TBL1X: variants seen among roughly 807,000 people sequenced by gnomAD.
TBL1X encodes transducin beta like 1 X-linked.
In TBL1X, 10 loss-of-function variants were observed where a neutral mutation model predicts 50.7. The observed-to-expected ratio is 0.20, with a 90% CI of 0.12 to 0.33. The LOEUF (loss-of-function observed/expected upper bound fraction) is 0.33, where lower values mean the gene tolerates loss of function less well. TBL1X is among the 10% of genes least tolerant of loss of function. The pLI, the probability that TBL1X is intolerant of heterozygous loss-of-function variation, is 1.00. For missense variants in TBL1X, 340 were observed against 504.4 expected, an observed-to-expected ratio of 0.67 and a Z score of 3.12; for synonymous variants, 190 against 214.7, an observed-to-expected ratio of 0.88 and a Z score of 1.01.
intron 1 of TBL1X, among the ~76,000 whole-genome samples, chrX:9,474,717 A>G (rs746411148): frequency 8.8e-6 from 1 of 113,061 alleles, no homozygotes; most frequent in East Asian, 2.8e-4. Flanking sequence ...CTGTTTATAA[A>G]TCAGCTGATT....
intron 2 of TBL1X, chrX:9,560,681 C>T (rs1428841187): frequency 8.9e-6 from 1 of 111,801 alleles, no homozygotes; most frequent in Non-Finnish European, 1.9e-5. Context: ...TAGCGTGGAC[C>T]AAAGATGGGG....
At chrX:9,486,996 C>T (rs1182302871) in intron 1 of TBL1X, among the ~76,000 whole-genome samples, 1 of 111,945 alleles carries the variant, frequency 8.9e-6, no homozygotes, top group Non-Finnish European at 1.9e-5. Flanking sequence ...CTTTCAGATT[C>T]TTCACTCAGG....
Position 9,583,638 on chromosome X carries a change from T to C in TBL1X, c.-130-56635T>C, listed in dbSNP as rs138183374. Among the ~76,000 whole-genome samples, 123 of 112,632 alleles carry C rather than the reference T, an allele frequency of 1.1e-3. 1 individual carries two copies. The highest frequency in any genetic ancestry group is 3.8e-3 in the African/African-American group (119 of 31,075). On this transcript the variant is annotated intron_variant, in intron 2 of 17. Coordinates refer to ENST00000645353, the MANE Select transcript of TBL1X (RefSeq NM_005647.4). ...GAGCCAGTGTCTTGGATTAAAATTA[T>C]ATGTGAACCTCAAGTGTTATCATCT...
At chrX:9,519,638 T>G (rs1193059487) in intron 2 of TBL1X, among the ~76,000 whole-genome samples, 1 of 112,016 alleles carries the variant, frequency 8.9e-6, no homozygotes, top group Non-Finnish European at 1.9e-5. Flanking sequence ...TTTTGAGACA[T>G]GAAGTAGGCA....
intron 2 of TBL1X, among the ~76,000 whole-genome samples, chrX:9,593,030 T>C (rs907340576): frequency 2.7e-5 from 3 of 111,886 alleles, no homozygotes; most frequent in Non-Finnish European, 5.6e-5. Flanking sequence ...TGTGGGGATG[T>C]GGTGCTGTGT....
chrX:9,490,680 C>A (rs896882945), intron 1 of TBL1X, among the ~76,000 whole-genome samples: 3 of 112,104 alleles, frequency 2.7e-5, no homozygotes, highest in African/African-American at 9.7e-5. Context: ...TTTGATATCT[C>A]GCAGATAGTT....
intron 5 of TBL1X, among the ~76,000 whole-genome samples, chrX:9,658,885 G>C (rs1219694748): frequency 8.9e-6 from 1 of 112,159 alleles, no homozygotes; most frequent in African/African-American, 3.2e-5. Context: ...GCTCACTGCA[G>C]CCTCTACCTC....
intron 12 of TBL1X, 63 bp downstream of exon 12, chrX:9,697,492 T>C: frequency 8.4e-7 from 1 of 1,193,837 alleles, no homozygotes; most frequent in Non-Finnish European, 1.1e-6. Flanking sequence ...ATAATTCAGG[T>C]CGAGCCCAGT....
rs752660757 is a variant in TBL1X, at chrX:9,692,408, G to A, written c.891+154G>A. On this transcript the variant is annotated intron_variant, in intron 9 of 17. Coordinates refer to ENST00000645353, the MANE Select transcript of TBL1X (RefSeq NM_005647.4). ...GATGGGCTGCCAGAGAGGTGTTCTT[G>A]GCTTCTTTTTTTATTTTGAGACGGA... 8.9e-5 allele frequency among the ~76,000 whole-genome samples: 10 copies of A among 111,740 alleles called. No homozygotes were observed. In the East Asian group the frequency reaches 2.8e-3, roughly 32 times the overall value.
At chrX:9,573,413 T>A (rs2082395374) in intron 2 of TBL1X, among the ~76,000 whole-genome samples, 1 of 112,676 alleles carries the variant, frequency 8.9e-6, no homozygotes, top group Non-Finnish European at 1.9e-5. Flanking sequence ...TCATAGTGTT[T>A]ATTTACATGG....
At chrX:9,602,896 C>A (rs924240051) in intron 2 of TBL1X, among the ~76,000 whole-genome samples, 13 of 112,501 alleles carry the variant, frequency 1.2e-4, no homozygotes, top group Non-Finnish European at 2.1e-4. Flanking sequence ...AAACTGAGTT[C>A]TTGATTAAAT....
At chrX:9,587,363 G>GCCC (rs1375412545) in intron 2 of TBL1X, among the ~76,000 whole-genome samples, 1 of 112,148 alleles carries the variant, frequency 8.9e-6, no homozygotes, top group Non-Finnish European at 1.9e-5. Flanking sequence ...TAGGGATGGG[G>GCCC]CCCCTGCTGT....
chrX:9,583,362 AG>A (rs2082452106), intron 2 of TBL1X, among the ~76,000 whole-genome samples: 1 of 112,276 alleles, frequency 8.9e-6, no homozygotes, highest in South Asian at 3.7e-4. Context: ...TTCCCAAATG[AG>A]GTCACATTCA....
At chrX:9,634,044 C>T (rs748142456) in intron 2 of TBL1X, among the ~76,000 whole-genome samples, 1 of 111,632 alleles carries the variant, frequency 9.0e-6, no homozygotes, top group East Asian at 2.8e-4. Flanking sequence ...GCTGGTATGG[C>T]CTGGGATATG....
rs772266880 is a variant in TBL1X, at chrX:9,716,483, G to A, written c.*237G>A. 3.7e-5 allele frequency: 12 copies of A among 323,512 alleles called. No individual in the cohort carries two copies. Among genetic ancestry groups the A allele is most frequent in the Non-Finnish European group, 5.4e-5 (10 of 186,278 alleles). The allele number at this position is 323,512 out of a possible 1,213,427, so 26.7% of individuals were successfully genotyped here. A position where few individuals can be genotyped will look rare whatever the true frequency, so the allele number is the denominator to read the frequency against. ...AAACGGGGATAGAATGGTTTCCACT[G>A]AGGACATTCAGCCTGGGAAGGAGGA... On this transcript the variant is annotated 3_prime_UTR_variant, in exon 18 of 18. Coordinates refer to ENST00000645353, the MANE Select transcript of TBL1X (RefSeq NM_005647.4).
rs565249043 is a variant in TBL1X, at chrX:9,688,058, A to C, written c.399A>C (p.Ser133=). The C allele has an allele frequency of 9.1e-6, 11 of 1,209,183 alleles. No homozygotes were observed. The Middle Eastern group carries it at 6.9e-4, about 76-fold the overall frequency. The change falls in exon 7 of 18, where the codon TCA becomes TCC. Residue 133 remains serine (S), a synonymous_variant. Transcript: ENST00000645353. ...ACGGCCGCCCCATAGAGTCCCTGTC[A>C]CTGATAGACGCCGTGATGCCCGACG... ...VFDGRPIESL[S]LIDAVMPDVV... is the part of the protein sequence containing the mutation.
chrX:9,465,724 C>T (rs1431169063), intron 1 of TBL1X, among the ~76,000 whole-genome samples: 1 of 112,698 alleles, frequency 8.9e-6, no homozygotes, highest in Non-Finnish European at 1.9e-5. Flanking sequence ...GCGGGGGGCT[C>T]CTTTGTTTTG....
At position 9,718,338 on chromosome X, in the gene TBL1X, G is replaced by A. The variant is rs1039363350; in HGVS notation, c.*2092G>A. ...TCAGATCATTGATTGGCCTCCACTT[G>A]GGTATGTGAATTATTCATGTCCCAG... On this transcript the variant is annotated 3_prime_UTR_variant, in exon 18 of 18. Coordinates refer to ENST00000645353, the MANE Select transcript of TBL1X (RefSeq NM_005647.4). 8.9e-6 allele frequency: 1 copy of A among 111,891 alleles called. No individual in the cohort carries two copies. The highest frequency in any genetic ancestry group is 1.9e-5 in the Non-Finnish European group (1 of 53,134). The allele number at this position is 111,891 out of a possible 1,213,427, so 9.2% of individuals were successfully genotyped here.
intron 1 of TBL1X, among the ~76,000 whole-genome samples, chrX:9,468,869 A>T (rs1261607005): frequency 1.8e-5 from 2 of 111,357 alleles, no homozygotes; most frequent in Non-Finnish European, 3.8e-5. Context: ...ATTTTGAGAC[A>T]GTGCAATTAT....
Sources: allele counts gnomAD v4.1 joint callset (sites outside exome capture counted in the v4.1 genomes callset), GRCh38; gene constraint gnomAD v4.1.1; transcripts MANE v1.5; gene names NCBI Gene and HGNC (gene_info 2026-07-23, HGNC 2026-07-21).